ZNF536: variants seen among roughly 807,000 people sequenced by gnomAD.
ZNF536 encodes zinc finger protein 536.
In ZNF536, 13 loss-of-function variants were observed where a neutral mutation model predicts 84.5. That is an observed-to-expected ratio of 0.15 (90% CI 0.10 to 0.24). ZNF536 has a LOEUF of 0.24. Among genes scored for constraint, ZNF536 ranks in the 10% least tolerant of loss-of-function variants. The pLI, the probability that ZNF536 is intolerant of heterozygous loss-of-function variation, is 1.00. For synonymous variants in ZNF536, 811 were observed against 742.5 expected (o/e 1.09, Z -1.50); for missense variants, 1,536 against 1,747.5 (o/e 0.88, Z 2.16).
intron 1 of ZNF536, among the ~76,000 whole-genome samples, chr19:30,609,942 G>T (rs768866613): frequency 1.1e-5 from 1 of 94,106 alleles, no homozygotes. Context: ...ATCCATCCAT[G>T]CATCCATCCA....
intron 1 of ZNF536, among the ~76,000 whole-genome samples, chr19:30,707,230 G>C (rs114817762): frequency 4.0e-4 from 61 of 152,298 alleles, no homozygotes; most frequent in African/African-American, 1.4e-3. Flanking sequence ...TTAAGGTACG[G>C]AGAATGGGTG....
At chr19:30,594,050 G>T (rs1010456988) in intron 1 of ZNF536, among the ~76,000 whole-genome samples, 1 of 152,190 alleles carries the variant, frequency 6.6e-6, no homozygotes, top group Admixed American at 6.5e-5. Flanking sequence ...CTTCCATGGG[G>T]CTACCAAGAG....
chr19:30,655,664 G>A (rs77865279), intron 1 of ZNF536, among the ~76,000 whole-genome samples: 1 of 152,168 alleles, frequency 6.6e-6, no homozygotes, highest in East Asian at 1.9e-4. Flanking sequence ...CTAAAACCTA[G>A]GATTTTACAG....
intron 1 of ZNF536, among the ~76,000 whole-genome samples, chr19:30,706,913 C>T (rs528980727): frequency 3.3e-5 from 5 of 152,262 alleles, no homozygotes; most frequent in South Asian, 2.1e-4. Flanking sequence ...GCCAAAGCCT[C>T]GAAACATTTC....
chr19:30,671,293 C>T (rs1276340040), intron 1 of ZNF536, among the ~76,000 whole-genome samples: 2 of 152,280 alleles, frequency 1.3e-5, no homozygotes, highest in East Asian at 3.9e-4. Context: ...TGTTAGGTGC[C>T]CGTGACATAG....
At chr19:30,617,389 C>T (rs1204370527) in intron 1 of ZNF536, among the ~76,000 whole-genome samples, 1 of 112,490 alleles carries the variant, frequency 8.9e-6, no homozygotes, top group Non-Finnish European at 1.7e-5. Context: ...CTGACTCTGT[C>T]ACCCAGGCTG....
In ZNF536 at chr19:30,357,634, G is replaced by A. The variant is rs534440655; in HGVS notation, c.-3+5150G>A. Among the ~76,000 whole-genome samples, 6 of 152,202 alleles carry A rather than the reference G, an allele frequency of 3.9e-5. No homozygotes were observed. In the South Asian group the frequency reaches 8.3e-4, roughly 21 times the overall value. On this transcript the variant is annotated intron_variant, in intron 3 of 5. Coordinates refer to the ZNF536 transcript ENST00000585628. ...GGGAATTAGGGATTTCAGGCTCTTC[G>A]GTGCAAGAAAGATGGACAGCAGCAC...
At chr19:30,599,317 C>A (rs1363268988) in intron 1 of ZNF536, among the ~76,000 whole-genome samples, 1 of 129,690 alleles carries the variant, frequency 7.7e-6, no homozygotes, top group African/African-American at 3.0e-5. Context: ...TTTTTCCTTC[C>A]TCCTTTCCTT....
intron 2 of ZNF536, among the ~76,000 whole-genome samples, chr19:30,511,726 G>T (rs1473665346): frequency 6.6e-6 from 1 of 152,212 alleles, no homozygotes; most frequent in Non-Finnish European, 1.5e-5. Flanking sequence ...GGACCTTGCA[G>T]TTGTCACATT....
intron 2 of ZNF536, among the ~76,000 whole-genome samples, chr19:30,339,903 A>T (rs2047509824): frequency 6.6e-6 from 1 of 152,020 alleles, no homozygotes; most frequent in Non-Finnish European, 1.5e-5. Flanking sequence ...TCTGCCCCAG[A>T]TATCTGTGTT....
intron 2 of ZNF536, among the ~76,000 whole-genome samples, chr19:30,323,982 C>T (rs565948239): frequency 1.3e-5 from 2 of 152,066 alleles, no homozygotes; most frequent in Non-Finnish European, 1.5e-5. Context: ...CAATCAACTA[C>T]CCCCTTATTC....
At chr19:30,451,229 G>T (rs1181728028) in intron 2 of ZNF536, among the ~76,000 whole-genome samples, 2 of 152,376 alleles carry the variant, frequency 1.3e-5, no homozygotes, top group Non-Finnish European at 2.9e-5. Context: ...TGGGGCCCAA[G>T]GGTGGTCTGT....
chr19:30,587,415 C>A (rs555315148), intron 1 of ZNF536, among the ~76,000 whole-genome samples: 2 of 152,312 alleles, frequency 1.3e-5, no homozygotes, highest in African/African-American at 4.8e-5. Flanking sequence ...TATTACTCTC[C>A]CATTCTCCGA....
At chr19:30,520,986 G>T (rs1287288236) in intron 2 of ZNF536, among the ~76,000 whole-genome samples, 5 of 152,214 alleles carry the variant, frequency 3.3e-5, no homozygotes, top group Non-Finnish European at 7.3e-5. Flanking sequence ...GCCACGCAGG[G>T]TTTAAAGTGC....
intron 1 of ZNF536, among the ~76,000 whole-genome samples, chr19:30,432,174 A>T (rs1356527712): frequency 6.6e-6 from 1 of 152,146 alleles, no homozygotes; most frequent in East Asian, 1.9e-4. Context: ...TCTGGGTGAA[A>T]TGGGAGCCCT....
At chr19:30,534,726 A>G (rs1392177069) in intron 2 of ZNF536, 121 bp from the exon 3 acceptor site, 5 of 1,011,688 alleles carry the variant, frequency 4.9e-6, no homozygotes, top group Non-Finnish European at 6.9e-6. Context: ...GTCAGATTTA[A>G]AGAATGAAAT....
At chr19:30,585,389 T>G (rs967108934) in intron 1 of ZNF536, among the ~76,000 whole-genome samples, 2 of 152,144 alleles carry the variant, frequency 1.3e-5, no homozygotes, top group African/African-American at 4.8e-5. Flanking sequence ...GAATAGTAGA[T>G]GGATGGATGA....
upstream of ZNF536, among the ~76,000 whole-genome samples, chr19:30,227,339 A>C (rs1322721622): frequency 6.6e-6 from 1 of 151,460 alleles, no homozygotes; most frequent in Non-Finnish European, 1.5e-5. Context: ...ACCGTTCCCG[A>C]GTTAGGTGGA....
At chr19:30,428,530 C>CTA (rs2051310770) in intron 1 of ZNF536, among the ~76,000 whole-genome samples, 1 of 152,324 alleles carries the variant, frequency 6.6e-6, no homozygotes, top group Admixed American at 6.5e-5. Flanking sequence ...GCAGTGGCCA[C>CTA]CCTGTGGGGA....
Sources: gnomAD v4.1 joint callset for allele counts (sites outside exome capture counted in the v4.1 genomes callset) on GRCh38, gnomAD v4.1.1 for gene constraint, MANE v1.5 for transcripts, NCBI Gene and HGNC (gene_info 2026-07-23, HGNC 2026-07-21) for gene names.